SETD2: variants seen among roughly 807,000 people sequenced by gnomAD.
The protein encoded by SETD2 is histone-lysine N-methyltransferase SETD2.
A neutral mutation model predicts 242.1 loss-of-function variants in SETD2; 31 were observed. That is an observed-to-expected ratio of 0.13 (90% CI 0.10 to 0.17). The LOEUF (loss-of-function observed/expected upper bound fraction) is 0.17, where lower values mean the gene tolerates loss of function less well. SETD2 is among the 10% of genes least tolerant of loss of function. SETD2 has a pLI of 1.00. For missense variants in SETD2, 2,481 were observed against 3,046.3 expected (o/e 0.81, Z 4.37); for synonymous variants, 1,006 against 1,066.5 (o/e 0.94, Z 1.11).
At chr3:47,117,057 GTCTC>G (rs1489582850) in intron 3 of SETD2, among the ~76,000 whole-genome samples, 1 of 151,770 alleles carries the variant, frequency 6.6e-6, no homozygotes, top group Non-Finnish European at 1.5e-5. Flanking sequence ...TAGAGACAGG[GTCTC>G]TCTATGTTAC....
chr3:47,148,504 CAG>C (rs2043914108), intron 1 of SETD2, among the ~76,000 whole-genome samples: 1 of 152,150 alleles, frequency 6.6e-6, no homozygotes, highest in Non-Finnish European at 1.5e-5. Flanking sequence ...AATACAAAAA[CAG>C]GGAAATTTCA....
Position 47,122,318 on chromosome 3 carries a change from G to C in SETD2, c.2318C>G (p.Thr773Arg). ...CGTATCAACTGGTTCTTTAACTACT[G>C]TTTTGGAATAATCCACAGTCATAAC... ...MPVMTVDYSK[T>R]VVKEPVDTRV... is the part of the protein sequence containing the mutation. The change falls in exon 3 of 21, where the codon ACA becomes AGA. Residue 773 changes from threonine to arginine, a missense_variant. By Grantham distance (71) the Thr-to-Arg change is moderately conservative. Coordinates refer to ENST00000409792, the MANE Select transcript of SETD2 (RefSeq NM_014159.7). 1 of 1,614,134 alleles carries C rather than the reference G, an allele frequency of 6.2e-7. No individual in the cohort carries two copies. Among genetic ancestry groups the C allele is most frequent in the Non-Finnish European group, 8.5e-7 (1 of 1,180,016 alleles).
rs1553699111 is a variant in SETD2 at position 47,116,722 on chromosome 3, C to T, written c.4487G>A (p.Arg1496Gln). The T allele has an allele frequency of 6.2e-7, 1 of 1,604,878 alleles. No individual in the cohort carries two copies. The highest frequency in any genetic ancestry group is 8.5e-7 in the Non-Finnish European group (1 of 1,172,710). The part of the protein sequence containing the change: ...KKNKSHRDIK[R>Q]MQCECTPLSK... ...AAGAGGTGTACACTCACACTGCATT[C>T]GCTTAATATCTCGATGAGATTTATT... The change falls in exon 4 of 21, where the codon CGA (arginine) becomes CAA (glutamine). Residue 1496 changes from arginine to glutamine, a missense_variant. Coordinates refer to ENST00000409792, the MANE Select transcript of SETD2 (RefSeq NM_014159.7).
In SETD2 at chr3:47,084,394, T is replaced by TA. The variant is rs558254213; in HGVS notation, c.5398-13dup. The TA allele has an allele frequency of 2.5e-3, 3,706 of 1,490,804 alleles. 35 individuals carry two copies. The highest frequency in any genetic ancestry group is 0.022 in the South Asian group (1,839 of 82,186). 92.3% of individuals were successfully genotyped at this position (1,490,804 alleles called of 1,614,324 possible). On this transcript the variant is annotated splice_polypyrimidine_tract_variant and intron_variant, in intron 11 of 20. Transcript: ENST00000409792. ...AAAGTCTTTATAATCTGATTAAACA[T>TA]AAAAAAAAATTACATCACTTTGTAC...
At chr3:47,080,094 CCAAA>C (rs940180386) in intron 12 of SETD2, among the ~76,000 whole-genome samples, 5 of 152,088 alleles carry the variant, frequency 3.3e-5, no homozygotes, top group African/African-American at 9.7e-5. Flanking sequence ...GAGTGAAATT[CCAAA>C]CAGTGACTCA....
intron 1 of SETD2, among the ~76,000 whole-genome samples, chr3:47,145,198 T>C (rs1016924471): frequency 6.6e-6 from 1 of 152,154 alleles, no homozygotes; most frequent in Non-Finnish European, 1.5e-5. Flanking sequence ...ACAGTAAGTA[T>C]GTCCAACTTT....
At chr3:47,128,729 G>C (rs1230072784) in intron 1 of SETD2, among the ~76,000 whole-genome samples, 1 of 152,092 alleles carries the variant, frequency 6.6e-6, no homozygotes, top group African/African-American at 2.4e-5. Flanking sequence ...ATTCTATGAT[G>C]TACATTTTGC....
chr3:47,112,033 A>G (rs1272839810), intron 5 of SETD2, among the ~76,000 whole-genome samples: 1 of 150,990 alleles, frequency 6.6e-6, no homozygotes, highest in Non-Finnish European at 1.5e-5. Context: ...TCTTTTATAT[A>G]TTTTTTAAAT....
At position 47,086,341 on chromosome 3, in the gene SETD2, G is replaced by C. The variant is rs1466072193; in HGVS notation, c.5278-27C>G. The C allele has an allele frequency of 2.5e-6, 4 of 1,606,698 alleles. No homozygotes were observed. In the Admixed American group the frequency reaches 6.7e-5, roughly 27 times the overall value. On this transcript the variant is annotated intron_variant, in intron 10 of 20. Transcript: ENST00000409792. Reference sequence around the variant, plus strand: ...TTTCATGGGGGAAGGGAGACACGATGCAGAGCATTGGGAGGCAATATCAGA... The same window carrying C: ...TTTCATGGGGGAAGGGAGACACGATCCAGAGCATTGGGAGGCAATATCAGA...
At chr3:47,132,131 CTTTT>C (rs531246872) in intron 1 of SETD2, among the ~76,000 whole-genome samples, 4 of 129,584 alleles carry the variant, frequency 3.1e-5, no homozygotes, top group Non-Finnish European at 1.6e-5. Flanking sequence ...ATACACATAT[CTTTT>C]TTTTTTTTTT....
At chr3:47,129,777 T>C (rs2043434321) in intron 1 of SETD2, among the ~76,000 whole-genome samples, 1 of 151,090 alleles carries the variant, frequency 6.6e-6, no homozygotes, top group South Asian at 2.1e-4. Context: ...CCCAGCTACT[T>C]GGGAGGCTGA....
At chr3:47,043,902 A>G (rs2039397255) in intron 16 of SETD2, among the ~76,000 whole-genome samples, 1 of 152,222 alleles carries the variant, frequency 6.6e-6, no homozygotes, top group Non-Finnish European at 1.5e-5. Flanking sequence ...AAGAAAAAAT[A>G]TATATTCCAA....
At chr3:47,081,225 C>A in intron 12 of SETD2, 1 of 347,992 alleles carries the variant, frequency 2.9e-6, no homozygotes, top group Non-Finnish European at 4.1e-6. Flanking sequence ...ACAGCAAAAC[C>A]AAGATTAAGG....
At chr3:47,033,153 T>G (rs1324935007) in intron 18 of SETD2, among the ~76,000 whole-genome samples, 1 of 152,196 alleles carries the variant, frequency 6.6e-6, no homozygotes, top group Non-Finnish European at 1.5e-5. Context: ...GATTACAAGT[T>G]TTATGATGCC....
Position 47,083,863 on chromosome 3 carries a change from G to A in SETD2, c.5917C>T (p.Pro1973Ser). The A allele has an allele frequency of 1.2e-6, 2 of 1,614,100 alleles. No homozygotes were observed. Among genetic ancestry groups the A allele is most frequent in the Non-Finnish European group, 1.7e-6 (2 of 1,180,022 alleles). The change falls in exon 12 of 21, where the codon CCT becomes TCT. Residue 1973 changes from proline to serine, a missense_variant. Pro to Ser is a moderately conservative substitution (Grantham distance 74). Around this residue, in one of 17 missense-constraint regions of SETD2, gnomAD observed 203 missense variants for 222.4 expected, o/e 0.91. Transcript: ENST00000409792. ...TGGGATGGTGTTTCTTCATTAATAG[G>A]TTCTTCTAGTTTTGTGCCGTTGCTC... is the stretch of plus-strand genomic sequence containing the variant. Reference protein sequence around the residue: ...KESNGTKLEEPINEETPSQDE... With the variant: ...KESNGTKLEESINEETPSQDE...
chr3:47,049,972 G>T, intron 15 of SETD2, among the ~76,000 whole-genome samples: 1 of 144,554 alleles, frequency 6.9e-6, no homozygotes, highest in South Asian at 2.1e-4. Flanking sequence ...ATATTTATAT[G>T]TTTTTCTTAT....
Position 47,019,296 on chromosome 3 carries a change from C to T in SETD2, c.7431+464G>A, listed in dbSNP as rs185390636. Among the ~76,000 whole-genome samples, 299 of 152,250 alleles carry T rather than the reference C, an allele frequency of 2.0e-3. 3 individuals are homozygous for T. The highest frequency in any genetic ancestry group is 6.6e-3 in the African/African-American group (273 of 41,558). ...TCTCTGAACCTTAAGAGTTCTTTCA[C>T]CTGAATAAGAGGAAAGGCAATCTGT... On this transcript the variant is annotated intron_variant, in intron 19 of 20. Coordinates refer to ENST00000409792, the MANE Select transcript of SETD2 (RefSeq NM_014159.7).
intron 18 of SETD2, among the ~76,000 whole-genome samples, chr3:47,021,086 A>C (rs2038198456): frequency 6.6e-6 from 1 of 152,208 alleles, no homozygotes; most frequent in African/African-American, 2.4e-5. Context: ...TAATAATATA[A>C]GTTAAGTCTA....
rs766455577 is a variant in SETD2, at chr3:47,106,493, T to TAAAAAAA, written c.4716-380_4716-374dup. Among the ~76,000 whole-genome samples the TAAAAAAA allele has an allele frequency of 4.3e-3, 246 of 57,254 alleles. 28 individuals are homozygous for TAAAAAAA. The highest frequency in any genetic ancestry group is 0.011 in the African/African-American group (158 of 14,910). The allele number at this position is 57,254 out of a possible 152,430, so 37.6% of individuals were successfully genotyped here. ...CTGAAAAGTTAGAGGATTTTTGCTC[T>TAAAAAAA]AAAAAAAAAAAAAAAAAAAAAAAAA... On this transcript the variant is annotated intron_variant, in intron 5 of 20. Transcript: ENST00000409792.
Sources: allele counts gnomAD v4.1 joint callset (sites outside exome capture counted in the v4.1 genomes callset), GRCh38; gene constraint gnomAD v4.1.1; regional missense constraint gnomAD v4.1.1; transcripts MANE v1.5; gene names NCBI Gene and HGNC (gene_info 2026-07-23, HGNC 2026-07-21).